The following CCP110 variants were observed in gnomAD, a reference collection of about 807,000 sequenced individuals.
The protein encoded by CCP110 is centriolar coiled-coil protein of 110 kDa.
CCP110 carries 43 observed loss-of-function variants against 105.5 expected under a neutral mutation model. The ratio of observed to expected loss-of-function variants is 0.41; its 90% confidence interval spans 0.32 to 0.53. The LOEUF (loss-of-function observed/expected upper bound fraction) is 0.53. CCP110 is among the 20% of genes least tolerant of loss of function. The probability of loss-of-function intolerance (pLI) is 0.32; values close to 1 mark genes in which losing one functional copy is unlikely to be tolerated. For synonymous variants in CCP110, 353 were observed against 392.1 expected (o/e 0.90, Z 1.18); for missense variants, 1,016 against 1,189.1 (o/e 0.85, Z 2.14).
In CCP110 at chr16:19,524,513, A is replaced by T. The variant is rs1379191879; in HGVS notation, c.-16+425A>T. Among the ~76,000 whole-genome samples, 3 of 152,114 alleles carry T rather than the reference A, an allele frequency of 2.0e-5. No homozygotes were observed. In the East Asian group the frequency reaches 5.8e-4, roughly 29 times the overall value. Reference sequence around the variant, plus strand: ...TCCCCGGGGTGTGCATTGGCCATTTATGAGCCCCTGTTTCCACAACCAAGG... The same window carrying T: ...TCCCCGGGGTGTGCATTGGCCATTTTTGAGCCCCTGTTTCCACAACCAAGG... On this transcript the variant is annotated intron_variant, in intron 1 of 14. Coordinates refer to ENST00000381396, the Ensembl canonical transcript of CCP110.
Position 19,548,424 on chromosome 16 carries a change from G to C in CCP110, c.2901-91G>C. ...TTCTTTTCAAGCTTATTTGTGCTTT[G>C]GACAGTTGATGCAATGTGATTGCTT... is the stretch of plus-strand genomic sequence containing the variant. On this transcript the variant is annotated intron_variant, in intron 13 of 14. Transcript: ENST00000381396. The surrounding 1 kb of genome is among the most constrained non-coding windows in gnomAD (Gnocchi z 4.1). The C allele has an allele frequency of 1.3e-6, 1 of 796,366 alleles. No individual in the cohort carries two copies. The highest frequency in any genetic ancestry group is 2.7e-5 in the East Asian group (1 of 37,328). 49.3% of individuals were successfully genotyped at this position (796,366 alleles called of 1,614,324 possible). A position where few individuals can be genotyped will look rare whatever the true frequency, so the allele number is the denominator to read the frequency against.
chr16:19,532,378 A>C (rs1969900179), intron 2 of CCP110, 38 bp from the exon 3 acceptor site: 3 of 1,528,394 alleles, frequency 2.0e-6, no homozygotes, highest in Non-Finnish European at 2.6e-6. Flanking sequence ...TGATATTTTT[A>C]TCGTGGGAAA....
chr16:19,547,412 CAAAAA>C (rs1555492385), intron 12 of CCP110: 1 of 152,112 alleles, frequency 6.6e-6, no homozygotes, highest in African/African-American at 2.4e-5. Flanking sequence ...GGGTCCGTCT[CAAAAA>C]AAAGCTAACT....
chr16:19,533,664 T>C (rs78709735), intron 3 of CCP110, among the ~76,000 whole-genome samples: 6,707 of 152,258 alleles, frequency 0.044, 263 homozygotes, highest in East Asian at 0.18. Context: ...AAGTCAAATA[T>C]ACATTTGTCT....
At chr16:19,532,155 CA>C (rs1302943154) in intron 2 of CCP110, among the ~76,000 whole-genome samples, 5 of 152,112 alleles carry the variant, frequency 3.3e-5, no homozygotes, top group Non-Finnish European at 5.9e-5. Context: ...TAGCAAAATG[CA>C]CAAATCTTAA....
At chr16:19,551,061 T>C in intron 14 of CCP110, 135 bp from the exon 14 acceptor site, 1 of 641,150 alleles carries the variant, frequency 1.6e-6, no homozygotes, top group Non-Finnish European at 2.8e-6. Context: ...TACCTCAGGA[T>C]GATTCATATA....
exon 4 of CCP110, chr16:19,536,593 A>G: frequency 6.2e-7 from 1 of 1,614,192 alleles, no homozygotes; most frequent in South Asian, 1.1e-5. Context: ...CTTCCACTCA[A>G]GCAAGCAGCA....
rs367901391 is a variant in CCP110 at position 19,528,813 on chromosome 16, G to A, written c.141+791G>A. Among the ~76,000 whole-genome samples the A allele has an allele frequency of 9.9e-5, 15 of 152,258 alleles. No homozygotes were observed. In the East Asian group the frequency reaches 1.9e-3, roughly 20 times the overall value. ...CTTCAAAGGCTAAGGCGGAAGGATC[G>A]CTTGAACCTAGGAGTTGCAGGCTGC... On this transcript the variant is annotated intron_variant, in intron 2 of 14. Transcript: ENST00000381396.
exon 4 of CCP110, chr16:19,537,439 A>G: frequency 6.2e-7 from 1 of 1,613,424 alleles, no homozygotes. Context: ...GACTTGATTT[A>G]GATATTGATG....
chr16:19,540,566 C>G (rs1420826274), intron 4 of CCP110, 91 bp from the exon 5 acceptor site: 1 of 1,094,400 alleles, frequency 9.1e-7, no homozygotes, highest in Non-Finnish European at 1.3e-6. Flanking sequence ...GGAATACTCT[C>G]TTGTCAGAAG....
At chr16:19,540,136 C>G (rs992324683) in intron 4 of CCP110, among the ~76,000 whole-genome samples, 3 of 152,154 alleles carry the variant, frequency 2.0e-5, no homozygotes, top group Admixed American at 2.0e-4. Context: ...ATTTAGGAAG[C>G]TTGTATTGTC....
chr16:19,534,941 C>T (rs1377817918), intron 3 of CCP110, among the ~76,000 whole-genome samples: 3 of 140,884 alleles, frequency 2.1e-5, no homozygotes, highest in Non-Finnish European at 3.0e-5. Flanking sequence ...AGTGCAGTGA[C>T]GTGATCTTGG....
chr16:19,536,636 G>A, exon 4 of CCP110: 1 of 1,614,150 alleles, frequency 6.2e-7, no homozygotes. Flanking sequence ...CTTTTCGAAA[G>A]TGGACATACC....
intron 14 of CCP110, among the ~76,000 whole-genome samples, chr16:19,550,966 G>A (rs1455825045): frequency 6.6e-6 from 1 of 152,278 alleles, no homozygotes; most frequent in Non-Finnish European, 1.5e-5. Flanking sequence ...TGGGTTATCA[G>A]AGTTCTTCCT....
chr16:19,546,258 C>A, intron 11 of CCP110, 154 bp from the exon 12 acceptor site: 1 of 529,768 alleles, frequency 1.9e-6, no homozygotes, highest in Non-Finnish European at 3.3e-6. Context: ...ATTCTTCTTT[C>A]TTGAATGCAG....
chr16:19,531,786 T>C (rs1224289818), intron 2 of CCP110, among the ~76,000 whole-genome samples: 2 of 151,962 alleles, frequency 1.3e-5, no homozygotes, highest in African/African-American at 4.8e-5. Flanking sequence ...ACCAACATGG[T>C]GAAACCCCAT....
chr16:19,537,356 C>A (rs749777679), exon 4 of CCP110: 1 of 1,612,628 alleles, frequency 6.2e-7, no homozygotes, highest in South Asian at 1.1e-5. Flanking sequence ...TACGAGACAG[C>A]AGATGGACAC....
At chr16:19,539,228 CCTTA>C (rs1472699961) in intron 4 of CCP110, among the ~76,000 whole-genome samples, 1 of 151,972 alleles carries the variant, frequency 6.6e-6, no homozygotes, top group Non-Finnish European at 1.5e-5. Flanking sequence ...CTTCATTACC[CCTTA>C]CTTTGTTGTC....
At chr16:19,539,574 G>C (rs1194765619) in intron 4 of CCP110, among the ~76,000 whole-genome samples, 1 of 151,652 alleles carries the variant, frequency 6.6e-6, no homozygotes, top group African/African-American at 2.4e-5. Flanking sequence ...GGCTGGTCTC[G>C]AACTCCTAGG....
Sources: gnomAD v4.1 joint callset for allele counts (sites outside exome capture counted in the v4.1 genomes callset) on GRCh38, gnomAD v4.1.1 for gene constraint, Gnocchi (gnomAD v3.1) non-coding constraint, MANE v1.5 for transcripts, NCBI Gene and HGNC (gene_info 2026-07-23, HGNC 2026-07-21) for gene names.